Variants in IRF9 observed in about 807,000 individuals in gnomAD.
IRF9 encodes IFN-alpha-responsive transcription factor subunit.
IRF9 carries 13 observed loss-of-function variants against 44.1 expected under a neutral mutation model. The ratio of observed to expected loss-of-function variants is 0.29; its 90% CI spans 0.19 to 0.47. The LOEUF is 0.47. IRF9 is among the 20% of genes least tolerant of loss of function. The probability of loss-of-function intolerance (pLI) is 1.00; values close to 1 mark genes in which losing one functional copy is unlikely to be tolerated. For missense variants in IRF9, 373 were observed against 496.1 expected (o/e 0.75, Z 2.36); for synonymous variants, 189 against 188.5 (o/e 1.00, Z -0.02).
Position 24,162,158 on chromosome 14 carries a change from G to C in IRF9, c.14G>C (p.Arg5Thr). The change falls in exon 2 of 9, where the codon AGG becomes ACG. Residue 5 changes from arginine to threonine, a missense_variant. This residue lies in a region of IRF9 where 227 missense variants were observed against 255.3 expected (regional missense o/e 0.89). Coordinates refer to ENST00000396864, the MANE Select transcript of IRF9 (RefSeq NM_006084.5). MASG[R>T]ARCTRKLRNW... ...TTATCCCCCAGGATGGCATCAGGCA[G>C]GGCACGCTGCACCCGAAAACTCCGG... 1.2e-6 allele frequency: 2 copies of C among 1,613,960 alleles called. No individual in the cohort carries two copies. Among genetic ancestry groups the C allele is most frequent in the African/African-American group, 2.7e-5 (2 of 75,028 alleles).
intron 4 of IRF9, 136 bp from the exon 5 acceptor site, chr14:24,163,742 G>T: frequency 1.0e-6 from 1 of 974,644 alleles, no homozygotes; most frequent in South Asian, 1.7e-5. Flanking sequence ...GGAGGCCGAG[G>T]CAGGAGAATC....
Position 24,164,523 on chromosome 14 carries a change from T to TGGGGA in IRF9, c.650-83_650-79dup. ...CTGAGAGGAAGCCCCCTGGCTGGTG[T>TGGGGA]GGGGAGGGGAGGTGGAGTTGTTCCC... On this transcript the variant is annotated intron_variant, in intron 6 of 8. Transcript: ENST00000396864. This position sits in a 1 kb window ranked among gnomAD's most constrained non-coding sequence, Gnocchi z 5.2. 8.1e-7 allele frequency: 1 copy of TGGGGA among 1,241,150 alleles called. No homozygotes were observed. Among genetic ancestry groups the TGGGGA allele is most frequent in the South Asian group, 1.4e-5 (1 of 69,212 alleles). 76.9% of individuals were successfully genotyped at this position (1,241,150 alleles called of 1,614,324 possible). A position where few individuals can be genotyped will look rare whatever the true frequency, so the allele number is the denominator to read the frequency against.
At chr14:24,165,277 G>C (rs1338425148) in intron 7 of IRF9, 1 of 687,374 alleles carries the variant, frequency 1.5e-6, no homozygotes, top group Non-Finnish European at 2.7e-6. Context: ...AATTGGCACA[G>C]AGATTTTGAG....
At position 24,162,182 on chromosome 14, in the gene IRF9, G is replaced by A. The variant is rs774818911; in HGVS notation, c.38G>A (p.Arg13Gln). ...AGGGCACGCTGCACCCGAAAACTCC[G>A]GAACTGGGTGGTGGAGCAAGTGGAG... is the stretch of plus-strand genomic sequence containing the variant. ...SGRARCTRKL[R>Q]NWVVEQVESG... Residue 13 changes from arginine (R) to glutamine (Q), a missense_variant, in exon 2 of 9, where the codon CGG (arginine) becomes CAG (glutamine). Arg to Gln is a conservative substitution (Grantham distance 43). This residue lies in a region of IRF9 where 227 missense variants were observed against 255.3 expected (regional missense o/e 0.89). Coordinates refer to ENST00000396864, the MANE Select transcript of IRF9 (RefSeq NM_006084.5). The A allele has an allele frequency of 1.3e-5, 21 of 1,614,012 alleles. No individual in the cohort carries two copies. Among genetic ancestry groups the A allele is most frequent in the Non-Finnish European group, 1.7e-5 (20 of 1,180,038 alleles).
rs369918354 is a variant in IRF9, at chr14:24,164,027, C to T, written c.578-36C>T. The T allele has an allele frequency of 6.2e-7, 1 of 1,613,334 alleles. No individual in the cohort carries two copies. The highest frequency in any genetic ancestry group is 8.5e-7 in the Non-Finnish European group (1 of 1,179,472). The stretch of plus-strand genomic sequence containing the variant: ...CCTCTGGCCCAAGACTCCCCAGTCC[C>T]ACTCTGAATGACCAGTGCCTTTGCT... On this transcript the variant is annotated intron_variant, in intron 5 of 8. Transcript: ENST00000396864. This position sits in a 1 kb window ranked among gnomAD's most constrained non-coding sequence, Gnocchi z 5.2.
At position 24,163,647 on chromosome 14, in the gene IRF9, G is replaced by A. The variant is rs10142310; in HGVS notation, c.495+139G>A. ...AGGTCAGAAGTTCGAAACCAGCCTC[G>A]ACCAACATGGTGAGAACCCGTCTCT... On this transcript the variant is annotated intron_variant, in intron 4 of 8. Transcript: ENST00000396864. 0.012 allele frequency: 12,634 copies of A among 1,029,678 alleles called. 523 individuals carry two copies. The African/African-American group carries it at 0.13, about 10-fold the overall frequency. 63.8% of individuals were successfully genotyped at this position (1,029,678 alleles called of 1,614,324 possible). A position where few individuals can be genotyped will look rare whatever the true frequency, so the allele number is the denominator to read the frequency against.
chr14:24,164,693 T>C lies in IRF9; in HGVS notation c.729T>C (p.Leu243=), dbSNP rs747353516. 3.7e-6 allele frequency: 6 copies of C among 1,613,610 alleles called. No homozygotes were observed. The East Asian group carries it at 1.3e-4, about 36-fold the overall frequency. The part of the protein sequence containing the change: ...EAQVQSLDCR[L]VAEPSGSESS... ...AGGTGCAAAGCCTGGATTGCCGCCT[T>C]GTGGCTGAGCCCTCAGGCTCTGAGA... is the stretch of plus-strand genomic sequence containing the variant. The change falls in exon 7 of 9, where the codon CTT becomes CTC. Residue 243 remains leucine, a synonymous_variant. Coordinates refer to ENST00000396864, the MANE Select transcript of IRF9 (RefSeq NM_006084.5). The surrounding 1 kb of genome is among the most constrained non-coding windows in gnomAD (Gnocchi z 5.2).
intron 3 of IRF9, 32 bp downstream of exon 3, chr14:24,163,181 C>A: frequency 6.2e-7 from 1 of 1,607,788 alleles, no homozygotes. Context: ...CACTGCTAGA[C>A]TCAGCAGACT....
In IRF9 at chr14:24,164,621, A is replaced by G; in HGVS notation, c.657A>G (p.Ser219=). ...EFLLPPEPDY[S]LLLTFIYNGR... Reference sequence around the variant, plus strand: ...GGGCTGTTCTATCCCCAGACTACTCACTGCTGCTCACCTTCATCTACAACG... The same window carrying G: ...GGGCTGTTCTATCCCCAGACTACTCGCTGCTGCTCACCTTCATCTACAACG... The change falls in exon 7 of 9, where the codon TCA becomes TCG. Residue 219 remains serine (S), a synonymous_variant. Transcript: ENST00000396864. The surrounding 1 kb of genome is among the most constrained non-coding windows in gnomAD (Gnocchi z 5.2). 1 of 1,595,342 alleles carries G rather than the reference A, an allele frequency of 6.3e-7. No homozygotes were observed. The highest frequency in any genetic ancestry group is 8.6e-7 in the Non-Finnish European group (1 of 1,167,414).
At chr14:24,165,420 C>T in intron 7 of IRF9, 1 of 587,698 alleles carries the variant, frequency 1.7e-6, no homozygotes, top group Middle Eastern at 4.5e-4. Context: ...CCAATTCCAG[C>T]TCCTACTCAA....
At position 24,164,992 on chromosome 14, in the gene IRF9, C is replaced by A. The variant is rs1167795688; in HGVS notation, c.991+37C>A. On this transcript the variant is annotated intron_variant, in intron 7 of 8. Coordinates refer to ENST00000396864, the MANE Select transcript of IRF9 (RefSeq NM_006084.5). The surrounding 1 kb of genome is among the most constrained non-coding windows in gnomAD (Gnocchi z 5.2). ...CTCTCTGGGCACATGAGCTTCCACC[C>A]CCTACCTCTTAGTACCCCCTGGGCC... 1.3e-6 allele frequency: 2 copies of A among 1,596,726 alleles called. No homozygotes were observed. Among genetic ancestry groups the A allele is most frequent in the Admixed American group, 3.3e-5 (2 of 59,788 alleles).
intron 7 of IRF9, chr14:24,165,457 C>G (rs1439906762): frequency 1.8e-6 from 1 of 558,208 alleles, no homozygotes; most frequent in Admixed American, 3.1e-5. Flanking sequence ...AAGAGTGGGA[C>G]CAGGTGTACA....
At chr14:24,165,421 T>G (rs2038511166) in intron 7 of IRF9, 1 of 586,122 alleles carries the variant, frequency 1.7e-6, no homozygotes, top group African/African-American at 1.9e-5. Context: ...CAATTCCAGC[T>G]CCTACTCAAT....
Position 24,164,787 on chromosome 14 carries a change from C to T in IRF9, c.823C>T (p.Leu275Phe). Reference sequence around the variant, plus strand: ...GCCCACGCAGCGCCTGCTGAGCCAGCTTGAGAGGGGCATCCTAGTGGCCAG... The same window carrying T: ...GCCCACGCAGCGCCTGCTGAGCCAGTTTGAGAGGGGCATCCTAGTGGCCAG... The part of the protein sequence containing the change: ...LEPTQRLLSQ[L>F]ERGILVASNP... Residue 275 changes from leucine (L) to phenylalanine (F), a missense_variant, in exon 7 of 9, where the codon CTT becomes TTT. Around this residue, in one of 2 missense-constraint regions of IRF9, gnomAD observed 146 missense variants for 240.8 expected, o/e 0.61. Transcript: ENST00000396864. The surrounding 1 kb of genome is among the most constrained non-coding windows in gnomAD (Gnocchi z 5.2). 2 of 1,610,608 alleles carry T rather than the reference C, an allele frequency of 1.2e-6. No homozygotes were observed. Among genetic ancestry groups the T allele is most frequent in the Non-Finnish European group, 1.7e-6 (2 of 1,179,940 alleles).
intron 2 of IRF9, 40 bp downstream of exon 2, chr14:24,162,364 ATGG>A: frequency 6.3e-7 from 1 of 1,580,436 alleles, no homozygotes; most frequent in Non-Finnish European, 8.7e-7. Flanking sequence ...TGTGTGTGGG[ATGG>A]TGTATACACA....
chr14:24,165,380 G>A, intron 7 of IRF9: 1 of 613,330 alleles, frequency 1.6e-6, no homozygotes, highest in Non-Finnish European at 2.9e-6. Flanking sequence ...CACACTCCAG[G>A]CATGCCTTAG....
chr14:24,163,527 A>C lies in IRF9; in HGVS notation c.495+19A>C. On this transcript the variant is annotated intron_variant, in intron 4 of 8. Coordinates refer to ENST00000396864, the MANE Select transcript of IRF9 (RefSeq NM_006084.5). ...CAATAATGTAAGAGATGGAGAGGGA[A>C]CTGGGTGGGCCTAAGGGCAGGACAG... 6.2e-7 allele frequency: 1 copy of C among 1,612,586 alleles called. No homozygotes were observed. Among genetic ancestry groups the C allele is most frequent in the Non-Finnish European group, 8.5e-7 (1 of 1,179,014 alleles).
At chr14:24,162,080 G>A (rs898067466) in intron 1 of IRF9, 64 bp from the exon 2 acceptor site, 2 of 1,498,172 alleles carry the variant, frequency 1.3e-6, no homozygotes, top group Non-Finnish European at 1.8e-6. Flanking sequence ...AATGGCCAGG[G>A]TCTCAGGAGA....
intron 7 of IRF9, 87 bp downstream of exon 7, chr14:24,165,042 C>T: frequency 8.4e-7 from 1 of 1,185,938 alleles, no homozygotes; most frequent in Non-Finnish European, 1.2e-6. Flanking sequence ...CTGCTACCTC[C>T]CTATCTGCCA....
Sources: allele counts gnomAD v4.1 joint callset, GRCh38; gene constraint gnomAD v4.1.1; regional missense constraint gnomAD v4.1.1; non-coding constraint Gnocchi (gnomAD v3.1); transcripts MANE v1.5; gene names NCBI Gene and HGNC (gene_info 2026-07-23, HGNC 2026-07-21).